CDH12: variants seen among roughly 807,000 people sequenced by gnomAD.
CDH12 encodes the protein cadherin 12.
In CDH12, 41 loss-of-function variants were observed where a neutral mutation model predicts 74.1. The ratio of observed to expected loss-of-function variants is 0.55; its 90% CI spans 0.43 to 0.72. CDH12 has a LOEUF of 0.72. Among genes scored for constraint, CDH12 ranks in the 30% least tolerant of loss-of-function variants. The pLI, the probability that CDH12 is intolerant of heterozygous loss-of-function variation, is 0.00. For synonymous variants in CDH12, 399 were observed against 355.0 expected (o/e 1.12, Z -1.39); for missense variants, 945 against 977.2 (o/e 0.97, Z 0.44).
rs573174027 is a variant in CDH12 at position 22,809,020 on chromosome 5, T to G, written c.-523+44038A>C. On this transcript the variant is annotated intron_variant, in intron 1 of 14. Coordinates refer to ENST00000382254, the MANE Select transcript of CDH12 (RefSeq NM_004061.5). ...TAAAGCAAGTAGCTGTATTTTGAGA[T>G]AGTTTATAAAAGACCAGAAATGCCT... Among the ~76,000 whole-genome samples, 13 of 151,960 alleles carry G rather than the reference T, an allele frequency of 8.6e-5. No individual in the cohort carries two copies. In the South Asian group the frequency reaches 2.7e-3, roughly 32 times the overall value.
intron 11 of CDH12, among the ~76,000 whole-genome samples, chr5:21,768,194 C>T (rs1579664544): frequency 6.6e-6 from 1 of 151,714 alleles, no homozygotes; most frequent in Non-Finnish European, 1.5e-5. Flanking sequence ...CATTTAAATT[C>T]CAATTATTAC....
chr5:22,196,745 T>C (rs1393532709), intron 4 of CDH12, among the ~76,000 whole-genome samples: 1 of 152,180 alleles, frequency 6.6e-6, no homozygotes, highest in Non-Finnish European at 1.5e-5. Flanking sequence ...CTACTTCTCC[T>C]TGTTGCCTGT....
At chr5:21,910,879 T>C (rs1753832298) in intron 6 of CDH12, among the ~76,000 whole-genome samples, 1 of 151,948 alleles carries the variant, frequency 6.6e-6, no homozygotes, top group Admixed American at 6.6e-5. Flanking sequence ...ACTCAATAAC[T>C]CAGATCCCAG....
intron 5 of CDH12, among the ~76,000 whole-genome samples, chr5:22,076,664 T>G (rs988454515): frequency 2.6e-5 from 4 of 152,132 alleles, no homozygotes; most frequent in Non-Finnish European, 4.4e-5. Context: ...TATCTTACCA[T>G]AGAAATGTTA....
At chr5:22,094,234 C>T (rs1358942075) in intron 4 of CDH12, among the ~76,000 whole-genome samples, 1 of 152,092 alleles carries the variant, frequency 6.6e-6, no homozygotes, top group Non-Finnish European at 1.5e-5. Context: ...GAAGCCATGC[C>T]TCAGCTTATT....
At chr5:22,838,753 C>T (rs1736952052) in intron 1 of CDH12, among the ~76,000 whole-genome samples, 1 of 151,530 alleles carries the variant, frequency 6.6e-6, no homozygotes, top group Admixed American at 6.6e-5. Flanking sequence ...TGGCTCACTA[C>T]AACCTCTGCC....
intron 1 of CDH12, among the ~76,000 whole-genome samples, chr5:22,823,905 C>T (rs1362063677): frequency 6.6e-6 from 1 of 152,152 alleles, no homozygotes; most frequent in African/African-American, 2.4e-5. Context: ...ATAAACTACC[C>T]AGTCTCAGGA....
intron 4 of CDH12, among the ~76,000 whole-genome samples, chr5:22,098,157 C>G (rs1012271456): frequency 1.3e-5 from 2 of 152,170 alleles, no homozygotes; most frequent in Non-Finnish European, 2.9e-5. Context: ...TGGACTGACC[C>G]TGACACCCAT....
chr5:22,667,995 A>G (rs1487410), intron 1 of CDH12, among the ~76,000 whole-genome samples: 1 of 151,932 alleles, frequency 6.6e-6, no homozygotes, highest in Non-Finnish European at 1.5e-5. Flanking sequence ...GAAAAGAAAA[A>G]CATAATTCCT....
At chr5:22,371,508 A>G (rs1475155280) in intron 3 of CDH12, among the ~76,000 whole-genome samples, 1 of 152,186 alleles carries the variant, frequency 6.6e-6, no homozygotes. Context: ...TTTTCCAAAA[A>G]GAAACTGAGT....
chr5:22,553,887 T>C (rs1463345197), intron 1 of CDH12, among the ~76,000 whole-genome samples: 1 of 152,170 alleles, frequency 6.6e-6, no homozygotes, highest in Non-Finnish European at 1.5e-5. Context: ...TTTTGCAACC[T>C]GCTGTCAAAA....
intron 2 of CDH12, among the ~76,000 whole-genome samples, chr5:22,425,922 A>G (rs770777914): frequency 1.8e-4 from 27 of 152,086 alleles, no homozygotes; most frequent in Non-Finnish European, 3.2e-4. Context: ...ACATTTGCAT[A>G]CCATGCCATC....
At chr5:21,770,066 G>A (rs538121232) in intron 11 of CDH12, among the ~76,000 whole-genome samples, 32 of 152,224 alleles carry the variant, frequency 2.1e-4, no homozygotes, top group African/African-American at 7.2e-4. Context: ...CATATGTGAT[G>A]ATCAAGTATC....
intron 4 of CDH12, among the ~76,000 whole-genome samples, chr5:22,084,312 T>C (rs1742929932): frequency 6.6e-6 from 1 of 152,200 alleles, no homozygotes; most frequent in Non-Finnish European, 1.5e-5. Context: ...TACCTGACAA[T>C]TCTACATTTG....
intron 1 of CDH12, among the ~76,000 whole-genome samples, chr5:22,796,267 T>C (rs1748202976): frequency 6.6e-6 from 1 of 152,188 alleles, no homozygotes; most frequent in African/African-American, 2.4e-5. Flanking sequence ...GGAACTTCCA[T>C]ACTCTTGTCC....
intron 4 of CDH12, among the ~76,000 whole-genome samples, chr5:22,100,316 A>G (rs1371408090): frequency 6.6e-6 from 1 of 152,196 alleles, no homozygotes; most frequent in Non-Finnish European, 1.5e-5. Context: ...TGAGAGATAT[A>G]TTGAGGACTG....
chr5:22,086,416 C>T (rs1743070561), intron 4 of CDH12, among the ~76,000 whole-genome samples: 1 of 152,074 alleles, frequency 6.6e-6, no homozygotes, highest in African/African-American at 2.4e-5. Context: ...GTGATCTCGT[C>T]TCATTCCAGC....
intron 1 of CDH12, among the ~76,000 whole-genome samples, chr5:22,840,957 C>T (rs532599035): frequency 6.6e-6 from 1 of 152,118 alleles, no homozygotes; most frequent in African/African-American, 2.4e-5. Flanking sequence ...GACAGAGCTG[C>T]AGAAGAACAA....
chr5:22,761,250 T>G (rs941340707), intron 1 of CDH12, among the ~76,000 whole-genome samples: 1 of 152,224 alleles, frequency 6.6e-6, no homozygotes, highest in Non-Finnish European at 1.5e-5. Context: ...GTATTCTGTT[T>G]CATGATTTAT....
Sources: allele counts gnomAD v4.1 joint callset (sites outside exome capture counted in the v4.1 genomes callset), GRCh38; gene constraint gnomAD v4.1.1; transcripts MANE v1.5; gene names NCBI Gene and HGNC (gene_info 2026-07-23, HGNC 2026-07-21).